PSMD1: variants seen among roughly 807,000 people sequenced by gnomAD.
The protein encoded by PSMD1 is proteasome 26S subunit, non-ATPase 1, also known as 26S proteasome non-ATPase regulatory subunit 1.
A neutral mutation model predicts 119.0 loss-of-function variants in PSMD1; 18 were observed. The observed-to-expected ratio is 0.15, with a 90% CI of 0.10 to 0.22. The LOEUF is 0.22. Ranked by LOEUF, PSMD1 falls within the 10% of genes least tolerant of loss-of-function variation. PSMD1 has a pLI of 1.00. For missense variants in PSMD1, 702 were observed against 1,158.5 expected (o/e 0.61, Z 5.72); for synonymous variants, 374 against 396.6 (o/e 0.94, Z 0.68).
intron 17 of PSMD1, 105 bp downstream of exon 17, chr2:231,138,955 T>C (rs751938355): frequency 1.2e-6 from 1 of 854,162 alleles, no homozygotes; most frequent in East Asian, 2.6e-5. Flanking sequence ...CAATGTGATC[T>C]GTAAGAGTAA....
At chr2:231,069,307 T>G (rs1693982720) in intron 5 of PSMD1, among the ~76,000 whole-genome samples, 1 of 149,940 alleles carries the variant, frequency 6.7e-6, no homozygotes, top group Admixed American at 6.6e-5. Flanking sequence ...GTGATATAAC[T>G]CTGTTATTTT....
At chr2:231,169,640 A>G (rs907227611) in intron 23 of PSMD1, among the ~76,000 whole-genome samples, 1 of 152,222 alleles carries the variant, frequency 6.6e-6, no homozygotes, top group Non-Finnish European at 1.5e-5. Flanking sequence ...TGAATCATTT[A>G]ACTAATGTAC....
In PSMD1 at chr2:231,152,588, C is replaced by G. The variant is rs142288614; in HGVS notation, c.2116-976C>G. Among the ~76,000 whole-genome samples, 849 of 152,160 alleles carry G rather than the reference C, an allele frequency of 5.6e-3. 1 individual carries two copies. Among genetic ancestry groups the G allele is most frequent in the Middle Eastern group, 0.01 (3 of 292 alleles). On this transcript the variant is annotated intron_variant, in intron 18 of 24. Coordinates refer to ENST00000308696, the MANE Select transcript of PSMD1 (RefSeq NM_002807.4). ...GGGTTGTGTGATTCTATTATTCTGCCACTGTATCACATTGTGGCCTCCCAG... is the reference window on the plus strand; with the variant it reads ...GGGTTGTGTGATTCTATTATTCTGCGACTGTATCACATTGTGGCCTCCCAG...
chr2:231,124,047 T>C, intron 16 of PSMD1: 1 of 345,106 alleles, frequency 2.9e-6, no homozygotes, highest in South Asian at 3.3e-5. Flanking sequence ...AAATAGGATA[T>C]ATATATATTT....
In PSMD1 at chr2:231,099,824, G is replaced by A. The variant is rs577137249; in HGVS notation, c.1883+12643G>A. ...CTCTTTTTAACCTCTAAGCCACCCC[G>A]ACCAAGGAGTAGTTCACTGCCCCCC... On this transcript the variant is annotated intron_variant, in intron 16 of 24. Transcript: ENST00000308696. Among the ~76,000 whole-genome samples, 7 of 152,064 alleles carry A rather than the reference G, an allele frequency of 4.6e-5. No individual in the cohort carries two copies. The East Asian group carries it at 5.8e-4, about 13-fold the overall frequency.
At chr2:231,163,753 C>T in intron 21 of PSMD1, 26 bp downstream of exon 21, 2 of 1,517,302 alleles carry the variant, frequency 1.3e-6, no homozygotes, top group Non-Finnish European at 1.8e-6. Context: ...CTTTTAGCAG[C>T]ATTTGTACTT....
chr2:231,066,135 T>G (rs1693906474), intron 4 of PSMD1, among the ~76,000 whole-genome samples: 1 of 152,254 alleles, frequency 6.6e-6, no homozygotes. Flanking sequence ...GTTTGCACAA[T>G]GATGAAATCA....
chr2:231,077,535 T>A (rs1694198193), intron 9 of PSMD1, among the ~76,000 whole-genome samples: 2 of 152,162 alleles, frequency 1.3e-5, no homozygotes, highest in Admixed American at 1.3e-4. Flanking sequence ...TCAATAAATC[T>A]GTGTTTTTCT....
In PSMD1 at chr2:231,057,003, A is replaced by C; in HGVS notation, c.-23A>C. 2 of 1,540,126 alleles carry C rather than the reference A, an allele frequency of 1.3e-6. No individual in the cohort carries two copies. Among genetic ancestry groups the C allele is most frequent in the Middle Eastern group, 1.9e-4 (1 of 5,210 alleles). On this transcript the variant is annotated 5_prime_UTR_variant, in exon 1 of 25. Coordinates refer to ENST00000308696, the MANE Select transcript of PSMD1 (RefSeq NM_002807.4). ...CGCAGCTGGAACGGCGAGCGAGCCG[A>C]CGGGCGAGTGAGGGGCGCAGCCATG...
At position 231,158,782 on chromosome 2, in the gene PSMD1, A is replaced by G. The variant is rs192719745; in HGVS notation, c.2219-2558A>G. Among the ~76,000 whole-genome samples the G allele has an allele frequency of 3.5e-3, 540 of 152,302 alleles. 3 individuals are homozygous for G. Among genetic ancestry groups the G allele is most frequent in the African/African-American group, 0.012 (509 of 41,562 alleles). On this transcript the variant is annotated intron_variant, in intron 19 of 24. Coordinates refer to ENST00000308696, the MANE Select transcript of PSMD1 (RefSeq NM_002807.4). ...TTATCTGTCTTCTTTGTGAGACTGG[A>G]GTCTCCTTAGGATCTTTTCCAGTAT...
intron 1 of PSMD1, among the ~76,000 whole-genome samples, chr2:231,057,332 C>T (rs897565597): frequency 6.6e-6 from 1 of 152,184 alleles, no homozygotes; most frequent in Non-Finnish European, 1.5e-5. Context: ...CCCAGAAGGG[C>T]TTACCTTTTT....
intron 16 of PSMD1, among the ~76,000 whole-genome samples, chr2:231,090,357 CATG>C (rs1694560498): frequency 6.6e-6 from 1 of 152,182 alleles, no homozygotes; most frequent in East Asian, 1.9e-4. Context: ...GCCTGGCTGA[CATG>C]GTGAAACCCT....
intron 16 of PSMD1, among the ~76,000 whole-genome samples, chr2:231,111,795 G>A (rs1400674553): frequency 6.6e-6 from 1 of 152,122 alleles, no homozygotes; most frequent in Non-Finnish European, 1.5e-5. Context: ...AGGAAGAAGT[G>A]GATTTCTAAA....
chr2:231,094,591 C>T (rs1016952592), intron 16 of PSMD1, among the ~76,000 whole-genome samples: 1 of 152,176 alleles, frequency 6.6e-6, no homozygotes, highest in African/African-American at 2.4e-5. Context: ...AGGCTCCAGC[C>T]TTAGCTGTCT....
chr2:231,156,747 G>GAT (rs753933787), intron 19 of PSMD1, among the ~76,000 whole-genome samples: 9 of 151,768 alleles, frequency 5.9e-5, no homozygotes, highest in African/African-American at 1.7e-4. Context: ...GGTGCTTTGA[G>GAT]ATATATATAT....
In PSMD1 at chr2:231,075,246, G is replaced by A. The variant is rs148074743; in HGVS notation, c.882-265G>A. On this transcript the variant is annotated intron_variant, in intron 7 of 24. Transcript: ENST00000308696. ...CTTTACCTGACTGTGTTTTGTGAATGAAGGAGATATTTTGTCGCCTGTTCT... is the reference window on the plus strand; with the variant it reads ...CTTTACCTGACTGTGTTTTGTGAATAAAGGAGATATTTTGTCGCCTGTTCT... Among the ~76,000 whole-genome samples, 7 of 152,258 alleles carry A rather than the reference G, an allele frequency of 4.6e-5. No homozygotes were observed. In the East Asian group the frequency reaches 1.4e-3, roughly 29 times the overall value.
intron 5 of PSMD1, 117 bp from the exon 6 acceptor site, chr2:231,069,908 C>T (rs2125159540): frequency 1.2e-6 from 1 of 816,980 alleles, no homozygotes; most frequent in Non-Finnish European, 1.7e-6. Flanking sequence ...CTTAAGAGGT[C>T]TAAATAATTG....
intron 16 of PSMD1, among the ~76,000 whole-genome samples, chr2:231,127,459 A>G (rs1199231931): frequency 1.3e-5 from 2 of 152,060 alleles, no homozygotes; most frequent in Non-Finnish European, 2.9e-5. Flanking sequence ...GGTTCAAGCA[A>G]TTCTCCTGTC....
intron 16 of PSMD1, among the ~76,000 whole-genome samples, chr2:231,093,516 A>G (rs1326065728): frequency 6.6e-6 from 1 of 152,150 alleles, no homozygotes; most frequent in East Asian, 1.9e-4. Flanking sequence ...GATTTGATGT[A>G]TCGTGCTAGA....
Sources: gnomAD v4.1 joint callset for allele counts (sites outside exome capture counted in the v4.1 genomes callset) on GRCh38, gnomAD v4.1.1 for gene constraint, MANE v1.5 for transcripts, NCBI Gene and HGNC (gene_info 2026-07-23, HGNC 2026-07-21) for gene names.